UTY: variants seen among roughly 807,000 people sequenced by gnomAD.
UTY encodes ubiquitously transcribed tetratricopeptide repeat containing, Y-linked, also known as histone demethylase UTY.
UTY carries 12 observed loss-of-function variants against 32.5 expected under a neutral mutation model. The ratio of observed to expected loss-of-function variants is 0.37; its 90% CI spans 0.24 to 0.60. The LOEUF (loss-of-function observed/expected upper bound fraction) is 0.60. UTY is among the 20% of genes least tolerant of loss of function. The pLI, the probability that UTY is intolerant of heterozygous loss-of-function variation, is 0.69. For missense variants in UTY, 303 were observed against 299.2 expected (o/e 1.01, Z -0.09); for synonymous variants, 131 against 103.4 (o/e 1.27, Z -1.62).
intron 3 of UTY, among the ~76,000 whole-genome samples, chrY:13,458,833 G>A (rs2077110147): frequency 4.3e-4 from 14 of 32,858 alleles, no homozygotes; most frequent in South Asian, 2.1e-3. Context: ...ATACTATGCA[G>A]CCATAAAAAA....
intron 4 of UTY, among the ~76,000 whole-genome samples, chrY:13,428,599 G>A: frequency 3.0e-5 from 1 of 33,501 alleles, no homozygotes; most frequent in African/African-American, 1.2e-4. Context: ...TAGGCTTAAG[G>A]TGTAATTTGA....
chrY:13,340,689 T>G (rs2061425566), intron 17 of UTY, among the ~76,000 whole-genome samples: 4 of 33,708 alleles, frequency 1.2e-4, no homozygotes, highest in African/African-American at 4.6e-4. Context: ...TACTGATCTC[T>G]TAAATTGGAG....
intron 27 of UTY, among the ~76,000 whole-genome samples, chrY:13,269,967 T>C: frequency 2.9e-5 from 1 of 34,506 alleles, no homozygotes; most frequent in African/African-American, 1.1e-4. Context: ...CTAGGAGTTG[T>C]AGACCAGAGC....
rs368042322 is a variant in UTY, at chrY:13,323,764, T to A, written c.3071-4A>T. ...TTGGTAGAGAAAAGTCCAAGATCTT[T>A]AAAAATAATAAGTTTTGTTAATCAG... is the stretch of plus-strand genomic sequence containing the variant. On this transcript the variant is annotated splice_region_variant and splice_polypyrimidine_tract_variant and intron_variant, in intron 20 of 29. Transcript: ENST00000545955. The A allele has an allele frequency of 5.5e-6, 2 of 366,137 alleles. No homozygotes were observed. The highest frequency in any genetic ancestry group is 7.8e-6 in the Non-Finnish European group (2 of 256,097). 91.3% of individuals were successfully genotyped at this position (366,137 alleles called of 400,897 possible). A position where few individuals can be genotyped will look rare whatever the true frequency, so the allele number is the denominator to read the frequency against.
chrY:13,455,071 T>C, intron 3 of UTY, among the ~76,000 whole-genome samples: 1 of 31,598 alleles, frequency 3.2e-5, no homozygotes, highest in African/African-American at 1.3e-4. Flanking sequence ...ATTCCACTTA[T>C]AACTTACCAA....
At chrY:13,281,789 A>C (rs777782798) in intron 27 of UTY, among the ~76,000 whole-genome samples, 67 of 33,370 alleles carry the variant, frequency 2.0e-3, no homozygotes, top group Middle Eastern at 0.014. Flanking sequence ...AAAGGAAGAT[A>C]TAGATCCCAG....
intron 17 of UTY, among the ~76,000 whole-genome samples, chrY:13,350,782 T>C (rs2062332939): frequency 3.0e-5 from 1 of 33,331 alleles, no homozygotes; most frequent in South Asian, 6.6e-4. Flanking sequence ...ATTCCAGACA[T>C]TGTATGGAAA....
intron 3 of UTY, among the ~76,000 whole-genome samples, chrY:13,464,126 T>C (rs756525304): frequency 2.9e-5 from 1 of 34,126 alleles, no homozygotes; most frequent in South Asian, 6.4e-4. Flanking sequence ...CTATATTCTT[T>C]ACAAATTTTC....
At chrY:13,474,898 C>T (rs920392292) in intron 2 of UTY, among the ~76,000 whole-genome samples, 2 of 33,450 alleles carry the variant, frequency 6.0e-5, no homozygotes, top group African/African-American at 1.2e-4. Flanking sequence ...CACGCCAGGC[C>T]AAGTAAAGCT....
chrY:13,455,420 G>A (rs770907099), intron 3 of UTY, among the ~76,000 whole-genome samples: 1 of 33,089 alleles, frequency 3.0e-5, no homozygotes, highest in East Asian at 7.8e-4. Flanking sequence ...ATGTGCTAAA[G>A]CATATGAACA....
chrY:13,355,973 G>C lies in UTY; in HGVS notation c.1615C>G (p.Gln539Glu), dbSNP rs1394973434. Residue 539 changes from glutamine (Q) to glutamate (E), a missense_variant, in exon 16 of 30, where the codon CAG becomes GAG. By Grantham distance (29) the Gln-to-Glu change is conservative. Transcript: ENST00000545955. ...TCTAACTGTTCCAGCTGATGCTTCT[G>C]TGCTGGATTTAAATTATCTCTATTT... ...RANRDNLNPA[Q>E]KHQLEQLESQ... 1 of 392,942 alleles carries C rather than the reference G, an allele frequency of 2.5e-6. No individual in the cohort carries two copies.
At chrY:13,243,885 T>C, downstream of UTY, among the ~76,000 whole-genome samples, 1 of 32,978 alleles carries the variant, frequency 3.0e-5, no homozygotes, top group Admixed American at 2.8e-4. Flanking sequence ...CAAGGATCAC[T>C]GCATCCTTGA....
At chrY:13,239,980 GGAAA>G (rs2053882828) in intron 28 of UTY, among the ~76,000 whole-genome samples, 21 of 32,985 alleles carry the variant, frequency 6.4e-4, no homozygotes, top group Admixed American at 5.5e-4. Context: ...TAAGAGAAAA[GGAAA>G]GAAATAGGAA....
At chrY:13,352,428 C>A in intron 17 of UTY, among the ~76,000 whole-genome samples, 1 of 33,031 alleles carries the variant, frequency 3.0e-5, no homozygotes, top group African/African-American at 1.2e-4. Flanking sequence ...CTCACCTCAG[C>A]CTCCCAAGTG....
chrY:13,350,807 C>CCCTGT (rs2062338723), intron 17 of UTY, among the ~76,000 whole-genome samples: 1 of 33,214 alleles, frequency 3.0e-5, no homozygotes, highest in African/African-American at 1.2e-4. Context: ...CTGTGAAAAT[C>CCCTGT]CCTGTCCTGT....
At chrY:13,299,428 C>CAA (rs1274766088) in intron 25 of UTY, among the ~76,000 whole-genome samples, 4 of 557 alleles carry the variant, frequency 7.2e-3, no homozygotes, top group Non-Finnish European at 7.9e-3. Context: ...CTCTACTATA[C>CAA]AAAAAAAAAA....
chrY:13,477,037 T>C (rs2079138611), intron 2 of UTY, among the ~76,000 whole-genome samples: 3 of 33,279 alleles, frequency 9.0e-5, no homozygotes, highest in Admixed American at 5.5e-4. Context: ...ATCAGTGAAA[T>C]AGATCATTCT....
chrY:13,466,937 G>A, intron 3 of UTY, among the ~76,000 whole-genome samples: 1 of 34,139 alleles, frequency 2.9e-5, no homozygotes, highest in Non-Finnish European at 7.3e-5. Flanking sequence ...ACAGAGTGTT[G>A]CCCTGTTGCA....
chrY:13,386,262 G>A, intron 8 of UTY, among the ~76,000 whole-genome samples: 4 of 25,255 alleles, frequency 1.6e-4, no homozygotes, highest in Non-Finnish European at 3.7e-4. Flanking sequence ...CACTACGCCC[G>A]GCTAATTTTT....
Sources: gnomAD v4.1 joint callset for allele counts (sites outside exome capture counted in the v4.1 genomes callset) on GRCh38, gnomAD v4.1.1 for gene constraint, MANE v1.5 for transcripts, NCBI Gene and HGNC (gene_info 2026-07-23, HGNC 2026-07-21) for gene names.